ZFPM2: variants seen among roughly 807,000 people sequenced by gnomAD.
ZFPM2 encodes the protein zinc finger protein ZFPM2.
In ZFPM2, 20 loss-of-function variants were observed where a neutral mutation model predicts 98.6. That is an observed-to-expected ratio of 0.20 (90% confidence interval 0.14 to 0.29). The LOEUF is 0.29. Among genes scored for constraint, ZFPM2 ranks in the 10% least tolerant of loss-of-function variants. The pLI is 1.00. For synonymous variants in ZFPM2, 518 were observed against 502.7 expected, an observed-to-expected ratio of 1.03 and a Z score of -0.41; for missense variants, 1,310 against 1,388.6, an observed-to-expected ratio of 0.94 and a Z score of 0.90.
intron 1 of ZFPM2, among the ~76,000 whole-genome samples, chr8:105,358,826 G>A (rs576468009): frequency 4.5e-4 from 68 of 152,142 alleles, no homozygotes; most frequent in African/African-American, 1.4e-3. Flanking sequence ...GTGGTGGTGC[G>A]TGCCTGTAGT....
intron 5 of ZFPM2, among the ~76,000 whole-genome samples, chr8:105,647,407 G>A (rs1284705735): frequency 1.3e-5 from 2 of 151,418 alleles, no homozygotes; most frequent in African/African-American, 4.9e-5. Flanking sequence ...CTTTAAGTTC[G>A]AGGGTACATA....
intron 5 of ZFPM2, among the ~76,000 whole-genome samples, chr8:105,673,187 CTTTTTT>C (rs5893754): frequency 6.9e-5 from 6 of 87,526 alleles, no homozygotes; most frequent in Non-Finnish European, 2.0e-5. Context: ...AAATAGCATG[CTTTTTT>C]TTTTTTTTTT....
At chr8:105,350,821 C>A (rs1403044762) in intron 1 of ZFPM2, among the ~76,000 whole-genome samples, 2 of 152,040 alleles carry the variant, frequency 1.3e-5, no homozygotes, top group Admixed American at 6.6e-5. Flanking sequence ...ACTATATAGT[C>A]CTCCTTCAGT....
At chr8:105,409,425 ATGT>A (rs1296774320) in intron 1 of ZFPM2, among the ~76,000 whole-genome samples, 2 of 151,894 alleles carry the variant, frequency 1.3e-5, no homozygotes, top group Admixed American at 1.3e-4. Context: ...ATCTGAAAGA[ATGT>A]TGTTATTTGA....
At chr8:105,538,327 T>A (rs1240868896) in intron 3 of ZFPM2, among the ~76,000 whole-genome samples, 4 of 152,148 alleles carry the variant, frequency 2.6e-5, no homozygotes, top group Admixed American at 2.0e-4. Context: ...CCTTGATAAA[T>A]CATACCCAGG....
chr8:105,421,006 C>T (rs1040376491), intron 2 of ZFPM2, among the ~76,000 whole-genome samples: 2 of 152,012 alleles, frequency 1.3e-5, no homozygotes, highest in Admixed American at 6.6e-5. Context: ...TTTACTCTTA[C>T]TCTTTCATTA....
chr8:105,684,894 G>T (rs1180539024), intron 5 of ZFPM2: 1 of 152,024 alleles, frequency 6.6e-6, no homozygotes, highest in Non-Finnish European at 1.5e-5. Context: ...TTTACCTGCT[G>T]AGGTCAGCGG....
intron 3 of ZFPM2, among the ~76,000 whole-genome samples, chr8:105,449,084 A>G (rs1812435939): frequency 6.6e-6 from 1 of 152,164 alleles, no homozygotes; most frequent in African/African-American, 2.4e-5. Flanking sequence ...TAAAAGTCAC[A>G]TCTTACTTAC....
chr8:105,780,128 T>C (rs2131109157), intron 5 of ZFPM2: 1 of 152,334 alleles, frequency 6.6e-6, no homozygotes, highest in East Asian at 1.9e-4. Flanking sequence ...TTGTCCTTTA[T>C]TTGTGAAGGG....
chr8:105,590,724 A>G (rs1432471975), intron 4 of ZFPM2, among the ~76,000 whole-genome samples: 2 of 152,204 alleles, frequency 1.3e-5, no homozygotes, highest in African/African-American at 2.4e-5. Flanking sequence ...ATAGACACAC[A>G]TGCATGAGTG....
At chr8:105,721,309 A>C (rs554124761) in intron 5 of ZFPM2, among the ~76,000 whole-genome samples, 4 of 152,042 alleles carry the variant, frequency 2.6e-5, no homozygotes, top group Admixed American at 2.6e-4. Context: ...TGTACTTTCC[A>C]CTGTTCACAT....
chr8:105,568,207 C>T (rs1251605362), intron 4 of ZFPM2, among the ~76,000 whole-genome samples: 1 of 152,044 alleles, frequency 6.6e-6, no homozygotes, highest in Non-Finnish European at 1.5e-5. Context: ...TAGCACATTT[C>T]AACTGTTTTG....
chr8:105,756,125 C>T (rs1416193136), intron 5 of ZFPM2, among the ~76,000 whole-genome samples: 1 of 152,138 alleles, frequency 6.6e-6, no homozygotes, highest in Non-Finnish European at 1.5e-5. Context: ...CTCCCTGTAG[C>T]CTTATCTTTC....
chr8:105,681,248 C>G (rs1192022201), intron 5 of ZFPM2, among the ~76,000 whole-genome samples: 1 of 152,130 alleles, frequency 6.6e-6, no homozygotes, highest in East Asian at 1.9e-4. Flanking sequence ...GTCCTCATGT[C>G]TCTACCCTGC....
rs1465030572 is a variant in ZFPM2, at chr8:105,337,437, C to T, written c.40+18456C>T. ...AACATTTTCTTTATCCTAGTTCACA[C>T]TTTCATATACATAGAATTTGGTTGT... On this transcript the variant is annotated intron_variant, in intron 1 of 7. Coordinates refer to ENST00000407775, the MANE Select transcript of ZFPM2 (RefSeq NM_012082.4). Among the ~76,000 whole-genome samples the T allele has an allele frequency of 7.9e-5, 12 of 151,948 alleles. No individual in the cohort carries two copies. The East Asian group carries it at 2.3e-3, about 29-fold the overall frequency.
chr8:105,515,191 T>TGCCAA (rs1213383342), intron 3 of ZFPM2, among the ~76,000 whole-genome samples: 1 of 152,228 alleles, frequency 6.6e-6, no homozygotes, highest in Non-Finnish European at 1.5e-5. Flanking sequence ...ATTAACCATG[T>TGCCAA]ATTAATTTCA....
At chr8:105,789,089 C>CTTT in intron 6 of ZFPM2, 165 bp downstream of exon 6, 1 of 494,058 alleles carries the variant, frequency 2.0e-6, no homozygotes, top group Non-Finnish European at 3.3e-6. Context: ...AATGATGTTA[C>CTTT]TTTTTTTTTT....
intron 5 of ZFPM2, among the ~76,000 whole-genome samples, chr8:105,689,240 A>G (rs1810818999): frequency 6.6e-6 from 1 of 152,204 alleles, no homozygotes; most frequent in Non-Finnish European, 1.5e-5. Flanking sequence ...ATCAAGTCAC[A>G]CATCACACTT....
intron 1 of ZFPM2, among the ~76,000 whole-genome samples, chr8:105,373,383 T>G (rs868759759): frequency 2.0e-5 from 3 of 152,228 alleles, no homozygotes; most frequent in Admixed American, 1.3e-4. Flanking sequence ...TTCTTCAATT[T>G]TATTTTTCTT....
Sources: allele counts gnomAD v4.1 joint callset (sites outside exome capture counted in the v4.1 genomes callset), GRCh38; gene constraint gnomAD v4.1.1; transcripts MANE v1.5; gene names NCBI Gene and HGNC (gene_info 2026-07-23, HGNC 2026-07-21).